CNTN4: variants seen among roughly 807,000 people sequenced by gnomAD.
The protein encoded by CNTN4 is contactin-4.
A neutral mutation model predicts 122.5 loss-of-function variants in CNTN4; 77 were observed. The observed-to-expected ratio is 0.63, with a 90% confidence interval of 0.52 to 0.76. The LOEUF (loss-of-function observed/expected upper bound fraction) is 0.76, where lower values mean the gene tolerates loss of function less well. CNTN4 is among the 30% of genes least tolerant of loss of function. The pLI, the probability that CNTN4 is intolerant of heterozygous loss-of-function variation, is 0.00. For missense variants in CNTN4, 1,256 were observed against 1,259.1 expected, an observed-to-expected ratio of 1.00 and a Z score of 0.04; for synonymous variants, 512 against 447.0, an observed-to-expected ratio of 1.15 and a Z score of -1.83.
At chr3:2,884,286 T>C (rs1361246383) in intron 9 of CNTN4, among the ~76,000 whole-genome samples, 2 of 152,152 alleles carry the variant, frequency 1.3e-5, no homozygotes, top group Admixed American at 6.6e-5. Flanking sequence ...TCTTTTCTTA[T>C]GATTTTTGTG....
intron 3 of CNTN4, among the ~76,000 whole-genome samples, chr3:2,361,472 C>G (rs1400685241): frequency 6.6e-6 from 1 of 152,104 alleles, no homozygotes; most frequent in East Asian, 1.9e-4. Context: ...AATCATCTGG[C>G]CAAAGATGTC....
At chr3:2,855,325 C>T (rs572586243) in intron 7 of CNTN4, among the ~76,000 whole-genome samples, 1 of 152,224 alleles carries the variant, frequency 6.6e-6, no homozygotes, top group Admixed American at 6.5e-5. Context: ...TGTTTTAATC[C>T]CAAATCTAAT....
At chr3:2,707,345 A>G (rs527917845) in intron 4 of CNTN4, among the ~76,000 whole-genome samples, 1 of 151,956 alleles carries the variant, frequency 6.6e-6, no homozygotes, top group East Asian at 1.9e-4. Context: ...CTTCACCTAC[A>G]ATTTGGTAAA....
At chr3:2,331,139 G>C (rs1441485980) in intron 2 of CNTN4, among the ~76,000 whole-genome samples, 2 of 152,194 alleles carry the variant, frequency 1.3e-5, no homozygotes, top group Non-Finnish European at 2.9e-5. Flanking sequence ...CAATGGGAAG[G>C]ACAGAATTGT....
intron 13 of CNTN4, among the ~76,000 whole-genome samples, chr3:2,927,792 A>G (rs893550285): frequency 2.0e-5 from 3 of 152,196 alleles, no homozygotes; most frequent in Admixed American, 6.5e-5. Flanking sequence ...ACTAAAATAT[A>G]TATTTAAACT....
chr3:2,295,824 G>A (rs985665389), intron 2 of CNTN4, among the ~76,000 whole-genome samples: 1 of 152,158 alleles, frequency 6.6e-6, no homozygotes, highest in African/African-American at 2.4e-5. Context: ...TAACATGTGA[G>A]TCTTTAATCC....
chr3:2,728,019 G>T (rs1038309106), intron 4 of CNTN4, among the ~76,000 whole-genome samples: 1 of 152,178 alleles, frequency 6.6e-6, no homozygotes, highest in South Asian at 2.1e-4. Context: ...TAGAAACGCT[G>T]TGTGTTGGCC....
intron 4 of CNTN4, among the ~76,000 whole-genome samples, chr3:2,719,404 T>G (rs1576560238): frequency 6.6e-6 from 1 of 151,866 alleles, no homozygotes; most frequent in African/African-American, 2.4e-5. Context: ...AAGTGATTCT[T>G]CTGCCTCAGC....
At chr3:2,956,236 C>T (rs938502208) in intron 13 of CNTN4, among the ~76,000 whole-genome samples, 1 of 151,990 alleles carries the variant, frequency 6.6e-6, no homozygotes, top group African/African-American at 2.4e-5. Flanking sequence ...CTAGAATAGG[C>T]AAATGGATAG....
chr3:2,548,823 C>T (rs1004403313), intron 3 of CNTN4, among the ~76,000 whole-genome samples: 2 of 152,090 alleles, frequency 1.3e-5, no homozygotes, highest in African/African-American at 4.8e-5. Flanking sequence ...GAATGTTTTT[C>T]CTTTTGTTTG....
chr3:2,904,994 T>C (rs1388533023), intron 12 of CNTN4, among the ~76,000 whole-genome samples: 1 of 152,110 alleles, frequency 6.6e-6, no homozygotes, highest in Non-Finnish European at 1.5e-5. Flanking sequence ...ATATCTAGAG[T>C]GCCTACCCAT....
At chr3:2,424,516 C>T (rs1375657283) in intron 3 of CNTN4, among the ~76,000 whole-genome samples, 2 of 152,130 alleles carry the variant, frequency 1.3e-5, no homozygotes, top group African/African-American at 2.4e-5. Flanking sequence ...AACAGTGCCG[C>T]ACTAAACATA....
intron 10 of CNTN4, chr3:2,892,372 C>A (rs542063844): frequency 6.6e-6 from 1 of 152,156 alleles, no homozygotes; most frequent in Non-Finnish European, 1.5e-5. Flanking sequence ...AGGTTGTCCA[C>A]CCATGGTATT....
intron 4 of CNTN4, among the ~76,000 whole-genome samples, chr3:2,628,063 C>G (rs1014756486): frequency 1.3e-5 from 2 of 152,158 alleles, no homozygotes; most frequent in Non-Finnish European, 2.9e-5. Flanking sequence ...GCTTCTATAG[C>G]TAGACATATT....
Position 2,745,538 on chromosome 3 carries a change from A to G in CNTN4, c.199A>G (p.Thr67Ala). The change falls in exon 6 of 25, where the codon ACA becomes GCA. Residue 67 changes from threonine (T) to alanine (A), a missense_variant. Physicochemically the swap from Thr to Ala is moderately conservative, Grantham distance 58. Coordinates refer to ENST00000418658, the MANE Select transcript of CNTN4 (RefSeq NM_175607.3). ...ATACTATAGGTGGAAGTTAAATGGA[A>G]CAGATGTTGACACTGGTATGGATTT... The part of the protein sequence containing the change: ...KPHIRWKLNG[T>A]DVDTGMDFRY... 1.9e-6 allele frequency: 3 copies of G among 1,614,050 alleles called. No individual in the cohort carries two copies. The highest frequency in any genetic ancestry group is 2.5e-6 in the Non-Finnish European group (3 of 1,179,904).
intron 6 of CNTN4, among the ~76,000 whole-genome samples, chr3:2,773,127 T>TGGG (rs61218755): frequency 6.6e-6 from 1 of 150,812 alleles, no homozygotes; most frequent in Non-Finnish European, 1.5e-5. Context: ...AATCTTTTGG[T>TGGG]GGGGGGGGTT....
chr3:2,725,581 A>G (rs2088169754), intron 4 of CNTN4, among the ~76,000 whole-genome samples: 1 of 152,204 alleles, frequency 6.6e-6, no homozygotes, highest in Non-Finnish European at 1.5e-5. Flanking sequence ...ACAACAAGAA[A>G]CTGTCCTGTA....
At chr3:2,953,544 G>C (rs758378405) in intron 13 of CNTN4, among the ~76,000 whole-genome samples, 1 of 151,200 alleles carries the variant, frequency 6.6e-6, no homozygotes, top group Admixed American at 6.6e-5. Context: ...GGCCTTTTTT[G>C]TATATGTCCC....
chr3:2,629,367 T>C (rs1576280813), intron 4 of CNTN4, among the ~76,000 whole-genome samples: 1 of 152,230 alleles, frequency 6.6e-6, no homozygotes, highest in Non-Finnish European at 1.5e-5. Flanking sequence ...CTAGCTGGAA[T>C]TGTGTCACGG....
Sources: gnomAD v4.1 joint callset for allele counts (sites outside exome capture counted in the v4.1 genomes callset) on GRCh38, gnomAD v4.1.1 for gene constraint, MANE v1.5 for transcripts, NCBI Gene and HGNC (gene_info 2026-07-23, HGNC 2026-07-21) for gene names.